TLK1: variants seen among roughly 807,000 people sequenced by gnomAD.
TLK1 encodes tousled like kinase 1, also known as serine/threonine-protein kinase tousled-like 1.
A neutral mutation model predicts 105.3 loss-of-function variants in TLK1; 24 were observed. The ratio of observed to expected loss-of-function variants is 0.23; its 90% CI spans 0.17 to 0.32. TLK1 has a LOEUF of 0.32. TLK1 is among the 10% of genes least tolerant of loss of function. TLK1 has a pLI of 1.00. For synonymous variants in TLK1, 321 were observed against 310.4 expected, an observed-to-expected ratio of 1.03 and a Z score of -0.36; for missense variants, 558 against 910.5, an observed-to-expected ratio of 0.61 and a Z score of 4.98.
chr2:171,180,796 G>A (rs183171511), intron 1 of TLK1, among the ~76,000 whole-genome samples: 27 of 149,810 alleles, frequency 1.8e-4, no homozygotes, highest in Admixed American at 1.6e-3. Flanking sequence ...AGGACTATAT[G>A]GGCATACAAA....
intron 1 of TLK1, among the ~76,000 whole-genome samples, chr2:171,224,833 G>A (rs1216741397): frequency 1.3e-5 from 2 of 152,130 alleles, no homozygotes; most frequent in Non-Finnish European, 2.9e-5. Flanking sequence ...TCAAGACAGT[G>A]ATACTGGCTT....
At chr2:171,186,973 G>A (rs1029606338) in intron 1 of TLK1, among the ~76,000 whole-genome samples, 4 of 134,548 alleles carry the variant, frequency 3.0e-5, no homozygotes, top group Admixed American at 8.3e-5. Flanking sequence ...CAGAAGAATC[G>A]TTTGAACCTG....
chr2:171,154,239 CTCT>C (rs957809223), intron 1 of TLK1, among the ~76,000 whole-genome samples: 1 of 152,116 alleles, frequency 6.6e-6, no homozygotes, highest in African/African-American at 2.4e-5. Flanking sequence ...GTTATACTGC[CTCT>C]TCAAGAAACA....
intron 1 of TLK1, among the ~76,000 whole-genome samples, chr2:171,121,761 C>G (rs1448239634): frequency 6.6e-6 from 1 of 152,130 alleles, no homozygotes; most frequent in Non-Finnish European, 1.5e-5. Context: ...CCTGCTTTGA[C>G]CTAGATCAGT....
intron 1 of TLK1, among the ~76,000 whole-genome samples, chr2:171,118,984 C>CA (rs994350040): frequency 1.3e-5 from 2 of 151,946 alleles, no homozygotes; most frequent in African/African-American, 2.4e-5. Flanking sequence ...TCTTCTAGCT[C>CA]AAAAAAAGAG....
intron 2 of TLK1, among the ~76,000 whole-genome samples, chr2:171,084,980 A>G (rs979007727): frequency 6.6e-6 from 1 of 152,130 alleles, no homozygotes; most frequent in African/African-American, 2.4e-5. Flanking sequence ...GAAGAGATGA[A>G]AAGTATTTGA....
intron 3 of TLK1, among the ~76,000 whole-genome samples, chr2:171,074,722 G>A (rs573450646): frequency 1.3e-5 from 2 of 151,426 alleles, no homozygotes; most frequent in Admixed American, 1.3e-4. Context: ...GAACATACTA[G>A]CAGGAAGATA....
intron 18 of TLK1, 139 bp downstream of exon 18, chr2:171,006,008 C>G (rs2105362090): frequency 1.2e-6 from 1 of 811,538 alleles, no homozygotes; most frequent in African/African-American, 1.8e-5. Context: ...AAGTCTCCCT[C>G]TCAACTGAGA....
At chr2:171,217,446 CTT>C (rs1693735931) in intron 1 of TLK1, among the ~76,000 whole-genome samples, 1 of 152,246 alleles carries the variant, frequency 6.6e-6, no homozygotes, top group Admixed American at 6.5e-5. Context: ...CCATTGATCT[CTT>C]TGTCAGTTTG....
intron 18 of TLK1, among the ~76,000 whole-genome samples, chr2:171,004,320 CA>C (rs905456138): frequency 6.6e-6 from 1 of 151,120 alleles, no homozygotes; most frequent in Non-Finnish European, 1.5e-5. Flanking sequence ...CAAATTGTTG[CA>C]AATCTCCAAA....
intron 1 of TLK1, among the ~76,000 whole-genome samples, chr2:171,173,046 T>G (rs1692758690): frequency 6.6e-6 from 1 of 152,188 alleles, no homozygotes; most frequent in Non-Finnish European, 1.5e-5. Context: ...GGAAATACTA[T>G]GAATAAAAAT....
chr2:171,166,920 A>C (rs987279492), intron 1 of TLK1, among the ~76,000 whole-genome samples: 17 of 152,272 alleles, frequency 1.1e-4, no homozygotes, highest in Non-Finnish European at 1.5e-5. Flanking sequence ...TATAATGCTC[A>C]TTAAAAAGAG....
intron 1 of TLK1, among the ~76,000 whole-genome samples, chr2:171,145,494 G>A (rs1290756231): frequency 3.0e-4 from 45 of 151,864 alleles, no homozygotes; most frequent in Non-Finnish European, 2.9e-5. Context: ...GGAGGCTGAG[G>A]CAGGAGAATC....
At chr2:171,153,697 G>C (rs1692128936) in intron 1 of TLK1, among the ~76,000 whole-genome samples, 2 of 151,964 alleles carry the variant, frequency 1.3e-5, no homozygotes, top group South Asian at 2.1e-4. Flanking sequence ...CAGACACAGG[G>C]GTCCCAGATA....
intron 1 of TLK1, among the ~76,000 whole-genome samples, chr2:171,168,554 A>T (rs1019150787): frequency 6.6e-6 from 1 of 151,640 alleles, no homozygotes; most frequent in Admixed American, 6.6e-5. Context: ...ACATTCTCCC[A>T]TGGATTTGTC....
intron 2 of TLK1, among the ~76,000 whole-genome samples, chr2:171,093,066 A>G (rs1423262001): frequency 6.6e-6 from 1 of 152,220 alleles, no homozygotes; most frequent in African/African-American, 2.4e-5. Context: ...GCCAGTCTCA[A>G]AATTAGCCTC....
chr2:171,139,805 G>C (rs1385083219), intron 1 of TLK1, among the ~76,000 whole-genome samples: 3 of 121,950 alleles, frequency 2.5e-5, no homozygotes, highest in African/African-American at 9.3e-5. Flanking sequence ...TTTTTCCATG[G>C]ACCAGGGGTG....
At chr2:171,044,673 C>T (rs12621215) in intron 11 of TLK1, among the ~76,000 whole-genome samples, 139,697 of 152,140 alleles carry the variant, frequency 0.92, 65,201 homozygotes, top group East Asian at 1. Context: ...AGAAATGTGA[C>T]GGCCTAGGAC....
intron 2 of TLK1, among the ~76,000 whole-genome samples, chr2:171,087,132 A>G (rs374834159): frequency 6.6e-6 from 1 of 152,360 alleles, no homozygotes; most frequent in African/African-American, 2.4e-5. Context: ...GATACAATAA[A>G]AATTTGTAAT....
Sources: gnomAD v4.1 joint callset for allele counts (sites outside exome capture counted in the v4.1 genomes callset) on GRCh38, gnomAD v4.1.1 for gene constraint, MANE v1.5 for transcripts, NCBI Gene and HGNC (gene_info 2026-07-23, HGNC 2026-07-21) for gene names.